The following SPIN1 variants were observed in gnomAD, a reference collection of about 807,000 sequenced individuals.
The protein encoded by SPIN1 is spindlin 1.
SPIN1 carries 3 observed loss-of-function variants against 26.0 expected under a neutral mutation model. The ratio of observed to expected loss-of-function variants is 0.12; its 90% CI spans 0.05 to 0.30. The LOEUF (loss-of-function observed/expected upper bound fraction) is 0.30, where lower values mean the gene tolerates loss of function less well. Among genes scored for constraint, SPIN1 ranks in the 10% least tolerant of loss-of-function variants. The probability of loss-of-function intolerance (pLI) is 1.00; values close to 1 mark genes in which losing one functional copy is unlikely to be tolerated. For synonymous variants in SPIN1, 101 were observed against 116.5 expected, an observed-to-expected ratio of 0.87 and a Z score of 0.86; for missense variants, 126 against 333.4, an observed-to-expected ratio of 0.38 and a Z score of 4.84.
intron 2 of SPIN1, among the ~76,000 whole-genome samples, chr9:88,429,831 C>A (rs1827831288): frequency 1.3e-5 from 2 of 152,092 alleles, no homozygotes; most frequent in African/African-American, 2.4e-5. Context: ...TACTAGAGAC[C>A]AGTCCCCATC....
At chr9:88,397,907 A>T (rs1587770884) in intron 1 of SPIN1, among the ~76,000 whole-genome samples, 1 of 151,584 alleles carries the variant, frequency 6.6e-6, no homozygotes, top group East Asian at 1.9e-4. Flanking sequence ...TACAGGTGTG[A>T]GCCACCGTGC....
chr9:88,399,297 G>T (rs1827138093), intron 1 of SPIN1, among the ~76,000 whole-genome samples: 1 of 151,386 alleles, frequency 6.6e-6, no homozygotes, highest in Non-Finnish European at 1.5e-5. Flanking sequence ...CTCCCAAAGT[G>T]CTGGGATTAC....
intron 1 of SPIN1, among the ~76,000 whole-genome samples, chr9:88,426,056 T>C (rs961318095): frequency 5.9e-5 from 9 of 152,172 alleles, no homozygotes; most frequent in African/African-American, 1.7e-4. Flanking sequence ...TCCACCCTTT[T>C]CTGATTTCTA....
intron 3 of SPIN1, among the ~76,000 whole-genome samples, chr9:88,454,760 A>C (rs1354249530): frequency 6.6e-6 from 1 of 152,224 alleles, no homozygotes; most frequent in African/African-American, 2.4e-5. Context: ...TCCATATTTC[A>C]GTGCTCTTAG....
At chr9:88,392,318 G>T (rs1279807298) in intron 1 of SPIN1, among the ~76,000 whole-genome samples, 1 of 152,136 alleles carries the variant, frequency 6.6e-6, no homozygotes, top group Non-Finnish European at 1.5e-5. Flanking sequence ...TATAGAACAA[G>T]TCGTGTTTGG....
intron 3 of SPIN1, among the ~76,000 whole-genome samples, chr9:88,451,077 CCTTT>C (rs35487201): frequency 0.052 from 7,831 of 151,838 alleles, 645 homozygotes; most frequent in African/African-American, 0.18. Flanking sequence ...AGCATAGATT[CCTTT>C]CTAAAATGCA....
intron 1 of SPIN1, among the ~76,000 whole-genome samples, chr9:88,389,868 T>C (rs1229612561): frequency 6.6e-6 from 1 of 152,094 alleles, no homozygotes; most frequent in Non-Finnish European, 1.5e-5. Context: ...TAACACTCTT[T>C]TGAAGTGAAA....
At chr9:88,413,772 A>G (rs1251667833) in intron 1 of SPIN1, among the ~76,000 whole-genome samples, 1 of 152,160 alleles carries the variant, frequency 6.6e-6, no homozygotes, top group Non-Finnish European at 1.5e-5. Flanking sequence ...ATATTCATCA[A>G]CAAATAATTG....
intron 2 of SPIN1, among the ~76,000 whole-genome samples, chr9:88,442,107 G>A (rs6560091): frequency 0.33 from 49,588 of 150,584 alleles, 15,510 homozygotes; most frequent in African/African-American, 0.82. Context: ...GCTTGCCACC[G>A]CACCCAGCTG....
chr9:88,416,898 C>A (rs1022096698), intron 1 of SPIN1: 2 of 152,268 alleles, frequency 1.3e-5, no homozygotes, highest in Non-Finnish European at 2.9e-5. Flanking sequence ...GCTGGGATTA[C>A]AGGCGTGAGC....
rs546705153 is a variant in SPIN1 at position 88,408,381 on chromosome 9, T to C, written c.-158-18001T>C. Among the ~76,000 whole-genome samples, 685 of 134,910 alleles carry C rather than the reference T, an allele frequency of 5.1e-3. 12 individuals carry two copies. Among genetic ancestry groups the C allele is most frequent in the Admixed American group, 0.043 (600 of 14,108 alleles). The allele number at this position is 134,910 out of a possible 152,430, so 88.5% of individuals were successfully genotyped here. On this transcript the variant is annotated intron_variant, in intron 1 of 5. Coordinates refer to ENST00000375859, the MANE Select transcript of SPIN1 (RefSeq NM_006717.3). The stretch of plus-strand genomic sequence containing the variant: ...GTTTTTCTTTTCCTTTTTTTCTTTT[T>C]TTTTTTTTTTTTTTGAGACGGAGTG...
intron 1 of SPIN1, among the ~76,000 whole-genome samples, chr9:88,424,055 A>G (rs1030911389): frequency 2.6e-5 from 4 of 152,222 alleles, no homozygotes; most frequent in African/African-American, 9.6e-5. Flanking sequence ...GGTGTGAACC[A>G]CTGCGCCTGG....
intron 4 of SPIN1, among the ~76,000 whole-genome samples, chr9:88,466,794 G>T (rs1352813134): frequency 6.6e-6 from 1 of 152,192 alleles, no homozygotes; most frequent in Non-Finnish European, 1.5e-5. Context: ...CTGGAGTGCA[G>T]TGGCGCCATC....
intron 1 of SPIN1, among the ~76,000 whole-genome samples, chr9:88,414,930 G>A (rs1827528034): frequency 6.6e-6 from 1 of 152,146 alleles, no homozygotes; most frequent in African/African-American, 2.4e-5. Context: ...TTGAGATGGA[G>A]TCTCGCTGTG....
At chr9:88,417,053 T>A (rs1331216938) in intron 1 of SPIN1, among the ~76,000 whole-genome samples, 1 of 152,382 alleles carries the variant, frequency 6.6e-6, no homozygotes. Context: ...CATTTGAAAG[T>A]TGCATTAAAT....
intron 1 of SPIN1, among the ~76,000 whole-genome samples, chr9:88,392,172 G>A (rs1035874593): frequency 3.3e-5 from 5 of 152,102 alleles, no homozygotes; most frequent in African/African-American, 1.2e-4. Context: ...TTTGAACTTA[G>A]CTGTAGTTAT....
intron 4 of SPIN1, among the ~76,000 whole-genome samples, chr9:88,463,504 G>A (rs1287409358): frequency 6.6e-6 from 1 of 152,172 alleles, no homozygotes; most frequent in African/African-American, 2.4e-5. Context: ...AGTTTCAGCA[G>A]ATCTAGACTT....
rs1828595223 is a variant in SPIN1, at chr9:88,462,590, A to G, written c.196A>G (p.Asn66Asp). ...CRIQHGWKEG[N>D]GPVTQWKGTV... ...GATTCAGCATGGGTGGAAAGAGGGG[A>G]ATGGCCCTGTTACCCAGTGGAAAGG... Residue 66 changes from asparagine to aspartate, a missense_variant, in exon 4 of 6, where the codon AAT becomes GAT. Coordinates refer to ENST00000375859, the MANE Select transcript of SPIN1 (RefSeq NM_006717.3). 3 of 1,614,150 alleles carry G rather than the reference A, an allele frequency of 1.9e-6. No homozygotes were observed. Among genetic ancestry groups the G allele is most frequent in the Non-Finnish European group, 2.5e-6 (3 of 1,180,022 alleles).
chr9:88,404,212 G>A (rs1254879192), intron 1 of SPIN1, among the ~76,000 whole-genome samples: 1 of 152,172 alleles, frequency 6.6e-6, no homozygotes, highest in African/African-American at 2.4e-5. Context: ...GTTGCTCTGG[G>A]TGAGTGAGTG....
Sources: allele counts gnomAD v4.1 joint callset (sites outside exome capture counted in the v4.1 genomes callset), GRCh38; gene constraint gnomAD v4.1.1; transcripts MANE v1.5; gene names NCBI Gene and HGNC (gene_info 2026-07-23, HGNC 2026-07-21).